Variants in SLCO3A1 observed in about 807,000 individuals in gnomAD.
SLCO3A1 encodes solute carrier organic anion transporter family member 3A1, also known as PGE1 transporter.
In SLCO3A1, 27 loss-of-function variants were observed where a neutral mutation model predicts 63.1. The observed-to-expected ratio is 0.43, with a 90% CI of 0.32 to 0.59. SLCO3A1 has a LOEUF of 0.59. Ranked by LOEUF, SLCO3A1 falls within the 20% of genes least tolerant of loss-of-function variation. The pLI, the probability that SLCO3A1 is intolerant of heterozygous loss-of-function variation, is 0.09. For missense variants in SLCO3A1, 773 were observed against 945.8 expected (o/e 0.82, Z 2.40); for synonymous variants, 473 against 409.9 (o/e 1.15, Z -1.86).
intron 3 of SLCO3A1, among the ~76,000 whole-genome samples, chr15:92,101,678 T>C (rs796775817): frequency 3.9e-5 from 6 of 152,290 alleles, no homozygotes; most frequent in African/African-American, 1.4e-4. Context: ...GTTATTTCTC[T>C]CTGCCACAGT....
At chr15:91,939,006 G>A (rs1899519107) in intron 2 of SLCO3A1, among the ~76,000 whole-genome samples, 1 of 152,126 alleles carries the variant, frequency 6.6e-6, no homozygotes, top group Non-Finnish European at 1.5e-5. Flanking sequence ...CTCTACTTGT[G>A]GAAGCTGCCT....
At chr15:92,079,687 T>C (rs751097871) in intron 2 of SLCO3A1, among the ~76,000 whole-genome samples, 6 of 152,174 alleles carry the variant, frequency 3.9e-5, no homozygotes, top group African/African-American at 7.2e-5. Flanking sequence ...CAGCCCGTAA[T>C]AGGGGGAGAG....
intron 2 of SLCO3A1, among the ~76,000 whole-genome samples, chr15:92,059,493 A>T (rs2047060890): frequency 6.6e-6 from 1 of 152,062 alleles, no homozygotes; most frequent in Admixed American, 6.5e-5. Context: ...CACAGGACAC[A>T]TGCCTGGCCC....
chr15:91,928,801 A>C (rs1899123215), intron 2 of SLCO3A1, among the ~76,000 whole-genome samples: 1 of 152,228 alleles, frequency 6.6e-6, no homozygotes, highest in African/African-American at 2.4e-5. Flanking sequence ...GTTGTTTTCA[A>C]AATCTCCTTG....
Position 92,165,788 on chromosome 15 carries a change from A to G in SLCO3A1, c.*2653A>G. Reference sequence around the variant, plus strand: ...AAAGAAGCATTGTACATACAACACTAGATCCAGCCCCTCGATTATCTGTTT... The same window carrying G: ...AAAGAAGCATTGTACATACAACACTGGATCCAGCCCCTCGATTATCTGTTT... On this transcript the variant is annotated 3_prime_UTR_variant, in exon 10 of 10. Coordinates refer to ENST00000318445, the MANE Select transcript of SLCO3A1 (RefSeq NM_013272.4). The G allele has an allele frequency of 1.0e-6, 1 of 985,428 alleles. No homozygotes were observed. Among genetic ancestry groups the G allele is most frequent in the Non-Finnish European group, 1.2e-6 (1 of 829,914 alleles). The allele number at this position is 985,428 out of a possible 1,614,324, so 61.0% of individuals were successfully genotyped here.
At chr15:91,961,528 T>G (rs1900445374) in intron 2 of SLCO3A1, among the ~76,000 whole-genome samples, 1 of 152,176 alleles carries the variant, frequency 6.6e-6, no homozygotes, top group Non-Finnish European at 1.5e-5. Context: ...TGTGTGGGAT[T>G]CCAGAGATGA....
chr15:92,019,963 G>C (rs1277824562), intron 2 of SLCO3A1, among the ~76,000 whole-genome samples: 2 of 152,152 alleles, frequency 1.3e-5, no homozygotes, highest in African/African-American at 4.8e-5. Context: ...AAAGCCCAAG[G>C]CTCGTGGAAC....
intron 8 of SLCO3A1, 85 bp downstream of exon 8, chr15:92,147,244 C>A: frequency 7.3e-7 from 1 of 1,367,362 alleles, no homozygotes; most frequent in Non-Finnish European, 1.0e-6. Context: ...CTTCAGACAA[C>A]AGGAATCTCT....
At chr15:91,926,596 T>TGTGTGTGCGTGC in intron 2 of SLCO3A1, among the ~76,000 whole-genome samples, 10 of 105,256 alleles carry the variant, frequency 9.5e-5, no homozygotes, top group Non-Finnish European at 1.3e-4. Context: ...TGTGTGTGTG[T>TGTGTGTGCGTGC]GCGCGCGCGC....
chr15:92,027,525 C>A (rs564745290), intron 2 of SLCO3A1, among the ~76,000 whole-genome samples: 119 of 152,340 alleles, frequency 7.8e-4, no homozygotes, highest in African/African-American at 2.6e-3. Context: ...ATCCTGGTTT[C>A]TCTGTCGTCT....
intron 1 of SLCO3A1, among the ~76,000 whole-genome samples, chr15:91,861,467 C>G (rs1897045795): frequency 6.6e-6 from 1 of 151,850 alleles, no homozygotes; most frequent in African/African-American, 2.4e-5. Flanking sequence ...ACGGTGTTAA[C>G]AGCCTCGTTA....
chr15:92,017,741 G>A (rs1336422405), intron 2 of SLCO3A1, among the ~76,000 whole-genome samples: 1 of 152,158 alleles, frequency 6.6e-6, no homozygotes, highest in African/African-American at 2.4e-5. Flanking sequence ...TGAGCGAAAA[G>A]GGAAGGTGAA....
At chr15:91,877,990 CG>C (rs1897444113) in intron 1 of SLCO3A1, among the ~76,000 whole-genome samples, 1 of 151,682 alleles carries the variant, frequency 6.6e-6, no homozygotes, top group African/African-American at 2.4e-5. Flanking sequence ...GAGGCTGCAC[CG>C]GAACAGAGAG....
intron 2 of SLCO3A1, among the ~76,000 whole-genome samples, chr15:91,919,648 G>C (rs1002536292): frequency 1.3e-5 from 2 of 152,124 alleles, no homozygotes; most frequent in African/African-American, 4.8e-5. Context: ...AGTTTTCTTA[G>C]CTGTCCTTCT....
intron 2 of SLCO3A1, among the ~76,000 whole-genome samples, chr15:92,034,982 G>A (rs1458203972): frequency 2.6e-5 from 4 of 151,908 alleles, no homozygotes; most frequent in Admixed American, 2.6e-4. Flanking sequence ...TTTTGCATCT[G>A]AGGGAACTGA....
At chr15:92,099,299 G>A (rs1291763833) in intron 3 of SLCO3A1, among the ~76,000 whole-genome samples, 2 of 152,146 alleles carry the variant, frequency 1.3e-5, no homozygotes, top group African/African-American at 4.8e-5. Context: ...CAATGGCTGC[G>A]ATTCTAGATG....
At chr15:92,083,146 T>TGTGTAC (rs2047366639) in intron 2 of SLCO3A1, among the ~76,000 whole-genome samples, 1 of 152,162 alleles carries the variant, frequency 6.6e-6, no homozygotes, top group East Asian at 1.9e-4. Flanking sequence ...GTAGAAGCCG[T>TGTGTAC]CACCCGTGTG....
intron 2 of SLCO3A1, among the ~76,000 whole-genome samples, chr15:92,061,977 T>G (rs568796219): frequency 1.3e-5 from 2 of 152,166 alleles, no homozygotes; most frequent in Non-Finnish European, 2.9e-5. Context: ...CAGATGGCAT[T>G]GACAGACAGC....
chr15:91,984,719 G>A (rs1171238186), intron 2 of SLCO3A1, among the ~76,000 whole-genome samples: 1 of 152,180 alleles, frequency 6.6e-6, no homozygotes, highest in East Asian at 1.9e-4. Context: ...GATATTTAGA[G>A]TCACTTAGAG....
Sources: gnomAD v4.1 joint callset for allele counts (sites outside exome capture counted in the v4.1 genomes callset) on GRCh38, gnomAD v4.1.1 for gene constraint, MANE v1.5 for transcripts, NCBI Gene and HGNC (gene_info 2026-07-23, HGNC 2026-07-21) for gene names.